Variants in NRXN3 observed in about 807,000 individuals in gnomAD.
NRXN3 encodes the protein neurexin 3, also known as neurexin III.
Under a neutral mutation model 137.6 loss-of-function variants are expected in NRXN3, and 32 were observed. The observed-to-expected ratio is 0.23, with a 90% confidence interval of 0.18 to 0.31. NRXN3 has a LOEUF of 0.31. Among genes scored for constraint, NRXN3 ranks in the 10% least tolerant of loss-of-function variants. The pLI, the probability that NRXN3 is intolerant of heterozygous loss-of-function variation, is 1.00. For missense variants in NRXN3, 1,574 were observed against 2,062.5 expected, an observed-to-expected ratio of 0.76 and a Z score of 4.59; for synonymous variants, 798 against 784.5, an observed-to-expected ratio of 1.02 and a Z score of -0.29.
chr14:79,836,791 G>C (rs1012835297), intron 20 of NRXN3, among the ~76,000 whole-genome samples: 1 of 152,096 alleles, frequency 6.6e-6, no homozygotes, highest in Non-Finnish European at 1.5e-5. Context: ...ATTTGTCATT[G>C]TTTACATAGC....
intron 10 of NRXN3, among the ~76,000 whole-genome samples, chr14:78,860,808 G>T (rs1307145890): frequency 1.3e-5 from 2 of 152,202 alleles, no homozygotes; most frequent in Admixed American, 6.5e-5. Context: ...GGAGGAGGAA[G>T]AGAGAAGTTA....
intron 15 of NRXN3, among the ~76,000 whole-genome samples, chr14:79,185,179 C>T (rs925238668): frequency 3.3e-5 from 5 of 152,006 alleles, no homozygotes; most frequent in African/African-American, 7.2e-5. Context: ...CTAATAAGCT[C>T]GTGTCTTGAG....
intron 15 of NRXN3, among the ~76,000 whole-genome samples, chr14:79,441,545 A>G (rs1336608824): frequency 6.6e-6 from 1 of 151,250 alleles, no homozygotes; most frequent in Non-Finnish European, 1.5e-5. Flanking sequence ...GCACCCGGCT[A>G]ATTTGTTTGT....
At chr14:79,154,014 G>A (rs979017776) in intron 15 of NRXN3, among the ~76,000 whole-genome samples, 3 of 151,946 alleles carry the variant, frequency 2.0e-5, no homozygotes, top group Non-Finnish European at 4.4e-5. Context: ...AGAGCGAAGA[G>A]CATGGAACTC....
intron 4 of NRXN3, among the ~76,000 whole-genome samples, chr14:78,539,735 T>C (rs1600147879): frequency 6.6e-6 from 1 of 152,248 alleles, no homozygotes. Context: ...CTGCTTTCTC[T>C]TGTGGGCATT....
chr14:78,721,873 G>A (rs1297109987), intron 8 of NRXN3, among the ~76,000 whole-genome samples: 2 of 149,700 alleles, frequency 1.3e-5, no homozygotes, highest in African/African-American at 4.9e-5. Flanking sequence ...TTGCTTTTCT[G>A]TTGTTGCTTA....
intron 16 of NRXN3, among the ~76,000 whole-genome samples, chr14:79,517,039 AATAG>A (rs2096993537): frequency 6.6e-6 from 1 of 151,942 alleles, no homozygotes; most frequent in African/African-American, 2.4e-5. Context: ...TTGTAATTTC[AATAG>A]ATAGAAGGAT....
At chr14:78,295,832 C>G (rs962113016) in intron 3 of NRXN3, among the ~76,000 whole-genome samples, 4 of 152,122 alleles carry the variant, frequency 2.6e-5, no homozygotes, top group African/African-American at 9.7e-5. Context: ...CTTGAATCCC[C>G]TCTTACTACC....
intron 4 of NRXN3, among the ~76,000 whole-genome samples, chr14:78,604,018 C>A (rs903317149): frequency 6.6e-6 from 1 of 152,086 alleles, no homozygotes; most frequent in African/African-American, 2.4e-5. Flanking sequence ...GCTAGGGAGG[C>A]CTCACAATCA....
chr14:78,729,702 A>G (rs914433837), intron 8 of NRXN3, among the ~76,000 whole-genome samples: 2 of 152,262 alleles, frequency 1.3e-5, no homozygotes, highest in East Asian at 1.9e-4. Context: ...ACACACACAC[A>G]TGCACATGCA....
At chr14:78,258,152 T>C (rs2069988970) in intron 2 of NRXN3, among the ~76,000 whole-genome samples, 1 of 152,212 alleles carries the variant, frequency 6.6e-6, no homozygotes, top group African/African-American at 2.4e-5. Context: ...TTAAATGAGA[T>C]AGTGCACGTA....
At chr14:78,465,549 T>C (rs1286089014) in intron 4 of NRXN3, among the ~76,000 whole-genome samples, 1 of 152,206 alleles carries the variant, frequency 6.6e-6, no homozygotes, top group Non-Finnish European at 1.5e-5. Flanking sequence ...GTTTTTTGTT[T>C]TTGTTTTGAG....
intron 15 of NRXN3, among the ~76,000 whole-genome samples, chr14:79,209,637 CTTTG>C (rs1350991443): frequency 1.3e-5 from 2 of 152,080 alleles, no homozygotes; most frequent in South Asian, 2.1e-4. Context: ...TACTAATTAT[CTTTG>C]TTTATTACTT....
chr14:78,889,352 C>T (rs1278166701), intron 10 of NRXN3, among the ~76,000 whole-genome samples: 1 of 151,920 alleles, frequency 6.6e-6, no homozygotes, highest in Non-Finnish European at 1.5e-5. Context: ...CTGCTGAGTG[C>T]AGTTTTGCTT....
At chr14:79,275,337 C>T (rs1438778488) in intron 15 of NRXN3, among the ~76,000 whole-genome samples, 1 of 151,724 alleles carries the variant, frequency 6.6e-6, no homozygotes, top group Non-Finnish European at 1.5e-5. Flanking sequence ...AGGGTCTTCA[C>T]CGAAAAAGCT....
chr14:78,969,241 A>C (rs1376726797), intron 14 of NRXN3, among the ~76,000 whole-genome samples: 1 of 152,198 alleles, frequency 6.6e-6, no homozygotes, highest in Non-Finnish European at 1.5e-5. Context: ...GTCTCTTGAG[A>C]TACTAAATGA....
At chr14:78,942,874 T>C (rs1275644297) in intron 10 of NRXN3, among the ~76,000 whole-genome samples, 1 of 152,082 alleles carries the variant, frequency 6.6e-6, no homozygotes, top group Non-Finnish European at 1.5e-5. Context: ...CTATGTACCC[T>C]GTAAAAATGT....
chr14:78,813,545 G>A (rs1282467282), intron 10 of NRXN3, among the ~76,000 whole-genome samples: 1 of 152,000 alleles, frequency 6.6e-6, no homozygotes, highest in Non-Finnish European at 1.5e-5. Context: ...GGGAAATACT[G>A]AATTAAATTT....
At position 78,993,733 on chromosome 14, in the gene NRXN3, C is replaced by T. The variant is rs575278283; in HGVS notation, c.3262+5592C>T. 2.4e-3 allele frequency among the ~76,000 whole-genome samples: 353 copies of T among 149,808 alleles called. 2 individuals carry two copies. The highest frequency in any genetic ancestry group is 8.2e-3 in the African/African-American group (334 of 40,952). On this transcript the variant is annotated intron_variant, in intron 15 of 20. Transcript: ENST00000335750. Reference sequence around the variant, plus strand: ...CAGTAGAAACATGAACAGTGTATAGCGAGGAGTCATAAGGTGGAGTAATGG... The same window carrying T: ...CAGTAGAAACATGAACAGTGTATAGTGAGGAGTCATAAGGTGGAGTAATGG...
Sources: gnomAD v4.1 joint callset for allele counts (sites outside exome capture counted in the v4.1 genomes callset) on GRCh38, gnomAD v4.1.1 for gene constraint, MANE v1.5 for transcripts, NCBI Gene and HGNC (gene_info 2026-07-23, HGNC 2026-07-21) for gene names.